The following PTCHD4 variants were observed in gnomAD, a reference collection of about 807,000 sequenced individuals.
The protein encoded by PTCHD4 is patched domain containing 4.
In PTCHD4, 33 loss-of-function variants were observed where a neutral mutation model predicts 58.1. That is an observed-to-expected ratio of 0.57 (90% confidence interval 0.43 to 0.76). The LOEUF (loss-of-function observed/expected upper bound fraction) is 0.76. Among genes scored for constraint, PTCHD4 ranks in the 30% least tolerant of loss-of-function variants. The pLI, the probability that PTCHD4 is intolerant of heterozygous loss-of-function variation, is 0.00. For synonymous variants in PTCHD4, 478 were observed against 409.6 expected, an observed-to-expected ratio of 1.17 and a Z score of -2.02; for missense variants, 1,058 against 1,027.1, an observed-to-expected ratio of 1.03 and a Z score of -0.41.
rs1763521493 is a variant in PTCHD4, at chr6:47,864,981, A to G, written c.*13322T>C. Among the ~76,000 whole-genome samples the G allele has an allele frequency of 6.6e-6, 1 of 151,940 alleles. No individual in the cohort carries two copies. Among genetic ancestry groups the G allele is most frequent in the Non-Finnish European group, 1.5e-5 (1 of 67,922 alleles). Reference sequence around the variant, plus strand: ...TAACTTTCATAGAAGATGACTGCAGAGCAGATCTCTGATTGTGGGAGGAAC... The same window carrying G: ...TAACTTTCATAGAAGATGACTGCAGGGCAGATCTCTGATTGTGGGAGGAAC... On this transcript the variant is annotated 3_prime_UTR_variant, in exon 5 of 5. Transcript: ENST00000339488.
At chr6:47,938,404 A>C (rs545718920) in intron 4 of PTCHD4, among the ~76,000 whole-genome samples, 1 of 152,264 alleles carries the variant, frequency 6.6e-6, no homozygotes, top group South Asian at 2.1e-4. Flanking sequence ...TCTAACAAAG[A>C]AGCAAAGGGA....
chr6:47,901,804 C>T, intron 4 of PTCHD4: 1 of 1,274,900 alleles, frequency 7.8e-7, no homozygotes, highest in South Asian at 1.3e-5. Context: ...TTATTGTATC[C>T]TAGGAGTCTT....
intron 4 of PTCHD4, among the ~76,000 whole-genome samples, chr6:47,996,699 T>A (rs1768500874): frequency 6.6e-6 from 1 of 152,068 alleles, no homozygotes; most frequent in African/African-American, 2.4e-5. Flanking sequence ...TCCATATTCA[T>A]AAAAAAATGG....
chr6:47,996,934 T>C (rs558997393), intron 4 of PTCHD4, among the ~76,000 whole-genome samples: 11 of 152,352 alleles, frequency 7.2e-5, no homozygotes, highest in African/African-American at 2.6e-4. Flanking sequence ...TGTGAGCTAG[T>C]AAAATCACAA....
chr6:48,013,812 C>T (rs1211594990), intron 3 of PTCHD4, among the ~76,000 whole-genome samples: 2 of 152,028 alleles, frequency 1.3e-5, no homozygotes, highest in Admixed American at 1.3e-4. Context: ...TTATTTATGT[C>T]ATCAAAAAGA....
At position 47,879,708 on chromosome 6, in the gene PTCHD4, T is replaced by G. The variant is rs1459793434; in HGVS notation, c.1127A>C (p.Tyr376Ser). Reference sequence around the variant, plus strand: ...GCCAAAGAAGGAGAAAATGTAGAAGTAGTTCAACAGAATAGAGACACACAT... The same window carrying G: ...GCCAAAGAAGGAGAAAATGTAGAAGGAGTTCAACAGAATAGAGACACACAT... ...QNMCVSILLNYFYIFSFFGSC... is the reference protein window; with the variant it reads ...QNMCVSILLNSFYIFSFFGSC... Residue 376 changes from tyrosine (Y) to serine (S), a missense_variant, in exon 5 of 5, where the codon TAC (tyrosine) becomes TCC (serine). Transcript: ENST00000339488. The G allele has an allele frequency of 6.2e-7, 1 of 1,613,580 alleles. No individual in the cohort carries two copies. Among genetic ancestry groups the G allele is most frequent in the Non-Finnish European group, 8.5e-7 (1 of 1,179,738 alleles).
intron 4 of PTCHD4, among the ~76,000 whole-genome samples, chr6:47,934,498 TA>T (rs1765933673): frequency 6.6e-6 from 1 of 152,154 alleles, no homozygotes; most frequent in African/African-American, 2.4e-5. Flanking sequence ...CTTACCGATC[TA>T]AATCTGGTAA....
At chr6:47,891,092 C>G (rs1764365904) in intron 4 of PTCHD4, among the ~76,000 whole-genome samples, 1 of 149,932 alleles carries the variant, frequency 6.7e-6, no homozygotes, top group South Asian at 2.1e-4. Flanking sequence ...TGTGGTGGCG[C>G]ATGCCTGTAA....
At chr6:48,062,141 A>G (rs1373405776) in intron 3 of PTCHD4, among the ~76,000 whole-genome samples, 1 of 152,224 alleles carries the variant, frequency 6.6e-6, no homozygotes, top group Non-Finnish European at 1.5e-5. Flanking sequence ...ATGTATTTTG[A>G]AAAATGCAAC....
intron 4 of PTCHD4, among the ~76,000 whole-genome samples, chr6:48,002,297 AAC>A (rs1768759189): frequency 6.6e-6 from 1 of 152,248 alleles, no homozygotes; most frequent in South Asian, 2.1e-4. Flanking sequence ...TGCTGCTATA[AAC>A]ACAGACGCAC....
chr6:48,077,500 C>A (rs537388312), intron 1 of PTCHD4, among the ~76,000 whole-genome samples: 53 of 152,288 alleles, frequency 3.5e-4, no homozygotes, highest in African/African-American at 1.3e-3. Context: ...GAGATGACTT[C>A]TTTCCTTCAA....
intron 3 of PTCHD4, among the ~76,000 whole-genome samples, chr6:48,063,227 T>G (rs962031386): frequency 3.3e-5 from 5 of 152,138 alleles, no homozygotes; most frequent in African/African-American, 1.2e-4. Context: ...TAGAAAATGA[T>G]ATTAAAGATG....
chr6:48,013,936 A>G (rs1192573524), intron 3 of PTCHD4, among the ~76,000 whole-genome samples: 3 of 152,134 alleles, frequency 2.0e-5, no homozygotes, highest in Non-Finnish European at 1.5e-5. Context: ...AAAAGACAAA[A>G]TTTTAAAGAA....
At chr6:47,976,656 AAATAAAT>A (rs1767702163) in intron 4 of PTCHD4, among the ~76,000 whole-genome samples, 1 of 298 alleles carries the variant, frequency 3.4e-3, no homozygotes, top group Non-Finnish European at 8.6e-3. Flanking sequence ...CTCCATATCA[AAATAAAT>A]AAATAAATAA....
At position 47,922,861 on chromosome 6, in the gene PTCHD4, G is replaced by T. The variant is rs537185232; in HGVS notation, c.899-42925C>A. Among the ~76,000 whole-genome samples, 10 of 152,280 alleles carry T rather than the reference G, an allele frequency of 6.6e-5. No homozygotes were observed. The East Asian group carries it at 9.7e-4, about 15-fold the overall frequency. On this transcript the variant is annotated intron_variant, in intron 4 of 4. Coordinates refer to ENST00000339488, the MANE Select transcript of PTCHD4 (RefSeq NM_001384253.1). ...AAAATGGACTCTCTTTACATGCCTG[G>T]TTCCCAATTACTGCTCAGTCCTACT... is the stretch of plus-strand genomic sequence containing the variant.
Position 47,874,266 on chromosome 6 carries a change from G to C in PTCHD4, c.*4037C>G, listed in dbSNP as rs1266659935. Reference sequence around the variant, plus strand: ...TTCTTAAATTGCTTACCTGGGGATGGAACTTTCTGTGGACTTTAGGCCCTT... The same window carrying C: ...TTCTTAAATTGCTTACCTGGGGATGCAACTTTCTGTGGACTTTAGGCCCTT... On this transcript the variant is annotated 3_prime_UTR_variant, in exon 5 of 5. Transcript: ENST00000339488. Among the ~76,000 whole-genome samples, 1 of 151,630 alleles carries C rather than the reference G, an allele frequency of 6.6e-6. No individual in the cohort carries two copies. Among genetic ancestry groups the C allele is most frequent in the Non-Finnish European group, 1.5e-5 (1 of 67,756 alleles).
intron 1 of PTCHD4, among the ~76,000 whole-genome samples, chr6:48,075,194 T>G (rs901853365): frequency 2.0e-5 from 3 of 152,290 alleles, no homozygotes. Context: ...AGATGACTCA[T>G]GGGTTCAGTC....
chr6:47,943,254 A>G (rs775463601), intron 4 of PTCHD4, among the ~76,000 whole-genome samples: 21 of 152,182 alleles, frequency 1.4e-4, no homozygotes, highest in Non-Finnish European at 3.1e-4. Context: ...TAAAATTTGT[A>G]AAGAAAGAAA....
intron 1 of PTCHD4, among the ~76,000 whole-genome samples, chr6:48,105,116 C>T (rs550997435): frequency 2.0e-5 from 3 of 152,296 alleles, no homozygotes; most frequent in African/African-American, 7.2e-5. Flanking sequence ...TAGACATCTA[C>T]AGAACTCTCC....
Sources: gnomAD v4.1 joint callset for allele counts (sites outside exome capture counted in the v4.1 genomes callset) on GRCh38, gnomAD v4.1.1 for gene constraint, MANE v1.5 for transcripts, NCBI Gene and HGNC (gene_info 2026-07-23, HGNC 2026-07-21) for gene names.